LRRTM4: variants seen among roughly 807,000 people sequenced by gnomAD.
The protein encoded by LRRTM4 is leucine-rich repeat transmembrane neuronal protein 4.
LRRTM4 carries 25 observed loss-of-function variants against 47.6 expected under a neutral mutation model. The observed-to-expected ratio is 0.53, with a 90% CI of 0.38 to 0.73. The LOEUF is 0.73. Among genes scored for constraint, LRRTM4 ranks in the 30% least tolerant of loss-of-function variants. The probability of loss-of-function intolerance (pLI) is 0.00; values close to 1 mark genes in which losing one functional copy is unlikely to be tolerated. For missense variants in LRRTM4, 638 were observed against 713.4 expected, an observed-to-expected ratio of 0.89 and a Z score of 1.20; for synonymous variants, 311 against 269.5, an observed-to-expected ratio of 1.15 and a Z score of -1.51.
At chr2:76,828,341 A>G (rs554938447) in intron 3 of LRRTM4, among the ~76,000 whole-genome samples, 16 of 152,022 alleles carry the variant, frequency 1.1e-4, no homozygotes, top group East Asian at 9.7e-4. Context: ...CCGGAATCCT[A>G]TATGTGTAGT....
At chr2:77,209,179 A>G (rs1289982567) in intron 3 of LRRTM4, among the ~76,000 whole-genome samples, 3 of 152,302 alleles carry the variant, frequency 2.0e-5, no homozygotes, top group Non-Finnish European at 2.9e-5. Flanking sequence ...GAGAGAAATT[A>G]TACCTTGCTT....
chr2:77,004,386 T>C (rs1306812061), intron 3 of LRRTM4, among the ~76,000 whole-genome samples: 2 of 152,198 alleles, frequency 1.3e-5, no homozygotes, highest in African/African-American at 4.8e-5. Context: ...TCTTGGGACA[T>C]GGCTTGAGAG....
intron 3 of LRRTM4, among the ~76,000 whole-genome samples, chr2:77,034,023 T>A (rs1482858836): frequency 6.6e-6 from 1 of 151,766 alleles, no homozygotes; most frequent in Non-Finnish European, 1.5e-5. Flanking sequence ...ATACCTTTAT[T>A]ATTGATAATT....
At chr2:76,988,235 T>TAA (rs1348885054) in intron 3 of LRRTM4, among the ~76,000 whole-genome samples, 6 of 151,788 alleles carry the variant, frequency 4.0e-5, no homozygotes, top group Non-Finnish European at 8.8e-5. Context: ...TTTTAACAGG[T>TAA]AAAGGCTCAA....
chr2:76,850,041 T>C (rs193201701), intron 3 of LRRTM4, among the ~76,000 whole-genome samples: 1 of 152,210 alleles, frequency 6.6e-6, no homozygotes, highest in Non-Finnish European at 1.5e-5. Context: ...TTGTTACTGA[T>C]AGATAATTAT....
intron 3 of LRRTM4, among the ~76,000 whole-genome samples, chr2:76,906,752 G>A (rs1330996514): frequency 6.6e-6 from 1 of 151,216 alleles, no homozygotes; most frequent in East Asian, 2.0e-4. Flanking sequence ...GACAAAGAAG[G>A]CCATTACATA....
chr2:77,411,157 G>T (rs902691104), intron 3 of LRRTM4, among the ~76,000 whole-genome samples: 1 of 152,042 alleles, frequency 6.6e-6, no homozygotes, highest in Non-Finnish European at 1.5e-5. Context: ...ACAGATTCAG[G>T]CCCCTTCTTC....
intron 3 of LRRTM4, among the ~76,000 whole-genome samples, chr2:77,068,289 G>A (rs1380928844): frequency 6.6e-6 from 1 of 151,248 alleles, no homozygotes; most frequent in African/African-American, 2.4e-5. Context: ...AATGCTTCCT[G>A]TTTTTTTTTA....
At chr2:77,062,474 T>G (rs977512168) in intron 3 of LRRTM4, among the ~76,000 whole-genome samples, 1 of 152,166 alleles carries the variant, frequency 6.6e-6, no homozygotes, top group African/African-American at 2.4e-5. Flanking sequence ...AATAATAATT[T>G]TAATCAGTGT....
intron 3 of LRRTM4, among the ~76,000 whole-genome samples, chr2:77,006,153 A>T (rs982737754): frequency 6.6e-6 from 1 of 152,154 alleles, no homozygotes; most frequent in Non-Finnish European, 1.5e-5. Context: ...CTCTTCTGAG[A>T]ATTTTTATGT....
intron 3 of LRRTM4, among the ~76,000 whole-genome samples, chr2:77,171,615 A>G (rs531541664): frequency 1.7e-4 from 26 of 152,000 alleles, no homozygotes; most frequent in African/African-American, 6.0e-4. Flanking sequence ...GCATATAAAT[A>G]TAAGATATAG....
At chr2:77,012,660 G>C (rs543094395) in intron 3 of LRRTM4, among the ~76,000 whole-genome samples, 1 of 152,230 alleles carries the variant, frequency 6.6e-6, no homozygotes, top group East Asian at 1.9e-4. Context: ...TGAACCTCTA[G>C]ATATGGAACT....
At chr2:77,378,767 C>T (rs185254608) in intron 3 of LRRTM4, among the ~76,000 whole-genome samples, 1 of 152,186 alleles carries the variant, frequency 6.6e-6, no homozygotes, top group East Asian at 1.9e-4. Context: ...TTTAAAATTT[C>T]ACCTGCCTCA....
chr2:76,754,313 T>C (rs1336427874), intron 3 of LRRTM4, among the ~76,000 whole-genome samples: 2 of 152,076 alleles, frequency 1.3e-5, no homozygotes, highest in Admixed American at 6.6e-5. Context: ...GTAAACAAGT[T>C]TGGGTACTGG....
chr2:77,286,285 G>A (rs1305187900), intron 3 of LRRTM4, among the ~76,000 whole-genome samples: 2 of 151,794 alleles, frequency 1.3e-5, no homozygotes, highest in African/African-American at 4.8e-5. Flanking sequence ...TAAATAAAAT[G>A]AAAATATGCT....
At chr2:77,330,631 A>G (rs929952591) in intron 3 of LRRTM4, among the ~76,000 whole-genome samples, 10 of 152,176 alleles carry the variant, frequency 6.6e-5, no homozygotes, top group Non-Finnish European at 1.3e-4. Context: ...TTATGTGCAT[A>G]TGCATGTGTA....
intron 3 of LRRTM4, among the ~76,000 whole-genome samples, chr2:77,074,141 C>A (rs189015654): frequency 1.1e-4 from 17 of 152,110 alleles, no homozygotes; most frequent in African/African-American, 3.6e-4. Context: ...GATATTTTAA[C>A]TGGCTCCAAC....
intron 3 of LRRTM4, among the ~76,000 whole-genome samples, chr2:76,773,520 A>T (rs529185268): frequency 1.3e-5 from 2 of 152,190 alleles, no homozygotes; most frequent in Admixed American, 1.3e-4. Flanking sequence ...TTATGATTTC[A>T]TATAGTAAAG....
At chr2:76,963,257 G>C (rs767583417) in intron 3 of LRRTM4, among the ~76,000 whole-genome samples, 2 of 150,294 alleles carry the variant, frequency 1.3e-5, no homozygotes, top group Non-Finnish European at 3.0e-5. Context: ...ACAAACCAAG[G>C]GTCAACATTA....
Sources: gnomAD v4.1 joint callset for allele counts (sites outside exome capture counted in the v4.1 genomes callset) on GRCh38, gnomAD v4.1.1 for gene constraint, MANE v1.5 for transcripts, NCBI Gene and HGNC (gene_info 2026-07-23, HGNC 2026-07-21) for gene names.